The following GPC6 variants were observed in gnomAD, a reference collection of about 807,000 sequenced individuals.
GPC6 encodes the protein glypican 6, also known as glypican-6.
GPC6 carries 14 observed loss-of-function variants against 55.2 expected under a neutral mutation model. The ratio of observed to expected loss-of-function variants is 0.25; its 90% CI spans 0.17 to 0.40. GPC6 has a LOEUF of 0.40. Among genes scored for constraint, GPC6 ranks in the 10% least tolerant of loss-of-function variants. The pLI is 1.00. For missense variants in GPC6, 641 were observed against 708.5 expected (o/e 0.90, Z 1.08); for synonymous variants, 278 against 259.6 (o/e 1.07, Z -0.68).
rs187011005 is a variant in GPC6, at chr13:93,863,624, C to A, written c.711+33079C>A. Among the ~76,000 whole-genome samples, 38 of 151,724 alleles carry A rather than the reference C, an allele frequency of 2.5e-4. 1 individual carries two copies. Among genetic ancestry groups the A allele is most frequent in the Admixed American group, 5.9e-4 (9 of 15,200 alleles). ...TCCCTTATAGCTAAATCGCATCCAT[C>A]ACTGGACCTTCATAAATATACAACT... On this transcript the variant is annotated intron_variant, in intron 3 of 8. Coordinates refer to ENST00000377047, the MANE Select transcript of GPC6 (RefSeq NM_005708.5).
intron 1 of GPC6, among the ~76,000 whole-genome samples, chr13:93,469,979 ATG>A (rs1879050676): frequency 6.6e-6 from 1 of 152,136 alleles, no homozygotes; most frequent in African/African-American, 2.4e-5. Flanking sequence ...CAGTTGGTCA[ATG>A]TGTATATCCT....
intron 3 of GPC6, among the ~76,000 whole-genome samples, chr13:93,950,996 A>G (rs1196758116): frequency 6.6e-6 from 1 of 152,148 alleles, no homozygotes; most frequent in Non-Finnish European, 1.5e-5. Flanking sequence ...GGAGCAAAGG[A>G]TGAATTTGGA....
At chr13:93,838,808 G>A (rs1163769061) in intron 3 of GPC6, among the ~76,000 whole-genome samples, 1 of 152,032 alleles carries the variant, frequency 6.6e-6, no homozygotes, top group South Asian at 2.1e-4. Context: ...ACGATGCATA[G>A]TTTAGGGCCC....
At chr13:94,223,021 T>C (rs928933596) in intron 4 of GPC6, among the ~76,000 whole-genome samples, 5 of 152,158 alleles carry the variant, frequency 3.3e-5, no homozygotes, top group African/African-American at 4.8e-5. Flanking sequence ...ATGAAGTAAA[T>C]TTGGGAACCT....
At chr13:93,651,982 G>A (rs1330623710) in intron 2 of GPC6, among the ~76,000 whole-genome samples, 1 of 152,112 alleles carries the variant, frequency 6.6e-6, no homozygotes, top group African/African-American at 2.4e-5. Flanking sequence ...TGGGCTAAAT[G>A]ATAAATTTAA....
chr13:93,245,126 T>C lies in GPC6; in HGVS notation c.160+17510T>C, dbSNP rs144277436. Among the ~76,000 whole-genome samples, 131 of 152,274 alleles carry C rather than the reference T, an allele frequency of 8.6e-4. 1 individual carries two copies. The highest frequency in any genetic ancestry group is 2.7e-3 in the African/African-American group (112 of 41,554). ...TGGGTGTGGAGGGGACACTGATTCA[T>C]AGCATTTGGTAAGTTTTGTGGTATA... On this transcript the variant is annotated intron_variant, in intron 1 of 8. Transcript: ENST00000377047.
At chr13:93,676,126 AATATAT>A (rs764101821) in intron 2 of GPC6, among the ~76,000 whole-genome samples, 609 of 15,080 alleles carry the variant, frequency 0.04, 5 homozygotes, top group Middle Eastern at 0.083. Context: ...AAAAAAAAAA[AATATAT>A]ATATATATAT....
In GPC6 at chr13:93,273,956, T is replaced by C. The variant is rs1034450006; in HGVS notation, c.160+46340T>C. Among the ~76,000 whole-genome samples, 6 of 151,870 alleles carry C rather than the reference T, an allele frequency of 4.0e-5. No individual in the cohort carries two copies. In the East Asian group the frequency reaches 1.2e-3, roughly 30 times the overall value. On this transcript the variant is annotated intron_variant, in intron 1 of 8. Coordinates refer to ENST00000377047, the MANE Select transcript of GPC6 (RefSeq NM_005708.5). ...CTGAGTAGCTGGGATTACAGGCACGTACCACCATGCCCAGCTAATTTTTGT... is the reference window on the plus strand; with the variant it reads ...CTGAGTAGCTGGGATTACAGGCACGCACCACCATGCCCAGCTAATTTTTGT...
At chr13:93,980,657 C>T (rs1594639370) in intron 3 of GPC6, among the ~76,000 whole-genome samples, 1 of 152,168 alleles carries the variant, frequency 6.6e-6, no homozygotes, top group South Asian at 2.1e-4. Context: ...TTTTCCTTCT[C>T]CTGTCTCCAG....
At chr13:94,132,662 G>A (rs890782170) in intron 4 of GPC6, among the ~76,000 whole-genome samples, 3 of 152,100 alleles carry the variant, frequency 2.0e-5, no homozygotes, top group Admixed American at 1.3e-4. Context: ...AGTCATTAAA[G>A]ACTAGAGCAT....
At chr13:93,357,478 C>T (rs192299550) in intron 1 of GPC6, among the ~76,000 whole-genome samples, 100 of 152,226 alleles carry the variant, frequency 6.6e-4, no homozygotes, top group African/African-American at 2.3e-3. Context: ...TGCTTGACTC[C>T]ATCTCCATGG....
At chr13:94,402,792 G>A (rs554672280) in intron 8 of GPC6, among the ~76,000 whole-genome samples, 1 of 152,194 alleles carries the variant, frequency 6.6e-6, no homozygotes, top group South Asian at 2.1e-4. Context: ...GCCAAGCCGT[G>A]GGGGAAGAGC....
At chr13:94,222,951 A>G (rs1890431032) in intron 4 of GPC6, among the ~76,000 whole-genome samples, 1 of 152,094 alleles carries the variant, frequency 6.6e-6, no homozygotes, top group South Asian at 2.1e-4. Context: ...CATCAAATTC[A>G]GAGATAGCCC....
chr13:93,949,369 T>G (rs1450192364), intron 3 of GPC6, among the ~76,000 whole-genome samples: 8 of 152,206 alleles, frequency 5.3e-5, no homozygotes, highest in Non-Finnish European at 1.2e-4. Flanking sequence ...ATGCTCATGG[T>G]GATAGTGAGT....
intron 2 of GPC6, among the ~76,000 whole-genome samples, chr13:93,823,106 G>A (rs571487959): frequency 3.3e-5 from 5 of 151,900 alleles, no homozygotes; most frequent in East Asian, 1.9e-4. Flanking sequence ...CTCATGATCC[G>A]CCTGCCATGG....
intron 5 of GPC6, among the ~76,000 whole-genome samples, chr13:94,290,429 T>TAAAAAAAAAAAAAA (rs532958421): frequency 5.1e-4 from 50 of 98,782 alleles, no homozygotes; most frequent in Non-Finnish European, 7.5e-4. Flanking sequence ...TCTAGAAAGG[T>TAAAAAAAAAAAAAA]AAAAAAAAAA....
At chr13:94,307,665 A>G (rs1405492207) in intron 6 of GPC6, among the ~76,000 whole-genome samples, 3 of 152,136 alleles carry the variant, frequency 2.0e-5, no homozygotes, top group African/African-American at 7.2e-5. Context: ...AATAGTCACC[A>G]TTTTTCTTTT....
intron 1 of GPC6, among the ~76,000 whole-genome samples, chr13:93,394,353 A>G (rs961228611): frequency 6.6e-6 from 1 of 152,168 alleles, no homozygotes; most frequent in Non-Finnish European, 1.5e-5. Flanking sequence ...AGAACCCCAC[A>G]CATATTATAG....
chr13:94,027,626 G>C, intron 3 of GPC6, 103 bp from the exon 4 acceptor site: 1 of 982,716 alleles, frequency 1.0e-6, no homozygotes, highest in East Asian at 2.4e-5. Context: ...AATTACAAAG[G>C]GTTAAGATTC....
Sources: allele counts gnomAD v4.1 joint callset (sites outside exome capture counted in the v4.1 genomes callset), GRCh38; gene constraint gnomAD v4.1.1; transcripts MANE v1.5; gene names NCBI Gene and HGNC (gene_info 2026-07-23, HGNC 2026-07-21).